Variants in COL9A2 observed in about 807,000 individuals in gnomAD.
The protein encoded by COL9A2 is collagen type IX alpha 2 chain, also known as collagen alpha-2(IX) chain.
Under a neutral mutation model 111.6 loss-of-function variants are expected in COL9A2, and 66 were observed. The ratio of observed to expected loss-of-function variants is 0.59; its 90% CI spans 0.48 to 0.73. COL9A2 has a LOEUF of 0.73. COL9A2 is among the 30% of genes least tolerant of loss of function. COL9A2 has a pLI of 0.00. For missense variants in COL9A2, 881 were observed against 954.1 expected (o/e 0.92, Z 1.01); for synonymous variants, 353 against 364.1 (o/e 0.97, Z 0.35).
intron 25 of COL9A2, 38 bp from the exon 26 acceptor site, chr1:40,304,010 C>T (rs773236264): frequency 7.0e-6 from 11 of 1,569,930 alleles, no homozygotes; most frequent in Middle Eastern, 3.3e-4. Flanking sequence ...GCGGTGGCGG[C>T]GGGGACGCAG....
rs1294512621 is a variant in COL9A2 at position 40,316,984 on chromosome 1, G to C, written c.75+139C>G. The stretch of plus-strand genomic sequence containing the variant: ...GCACCATGTATGCACCCACCGAGGG[G>C]ACCTGCCCGCGGCGCTGTCCTCAGG... On this transcript the variant is annotated intron_variant, in intron 1 of 31. Transcript: ENST00000372748. The surrounding 1 kb of genome is among the most constrained non-coding windows in gnomAD (Gnocchi z 5.5). 5 of 828,110 alleles carry C rather than the reference G, an allele frequency of 6.0e-6. No homozygotes were observed. The highest frequency in any genetic ancestry group is 5.1e-5 in the African/African-American group (3 of 59,124). The allele number at this position is 828,110 out of a possible 1,614,324, so 51.3% of individuals were successfully genotyped here.
In COL9A2 at chr1:40,307,724, G is replaced by C; in HGVS notation, c.933C>G (p.Thr311=). ...GPPGINGKDG[T]PGTPGMKGSA... ...CTACCTTCATGCCAGGCGTGCCTGG[G>C]GTCCCATCCTTGCCGTTGATGCCTG... is the stretch of plus-strand genomic sequence containing the variant. The change falls in exon 18 of 32, where the codon ACC becomes ACG. Residue 311 remains threonine, a synonymous_variant. Coordinates refer to ENST00000372748, the MANE Select transcript of COL9A2 (RefSeq NM_001852.4). This position sits in a 1 kb window ranked among gnomAD's most constrained non-coding sequence, Gnocchi z 4.8. 6.2e-7 allele frequency: 1 copy of C among 1,614,170 alleles called. No homozygotes were observed. Among genetic ancestry groups the C allele is most frequent in the Admixed American group, 1.7e-5 (1 of 60,012 alleles).
chr1:40,312,671 C>T lies in COL9A2; in HGVS notation c.303+60G>A, dbSNP rs978700539. On this transcript the variant is annotated intron_variant, in intron 5 of 31. Transcript: ENST00000372748. The surrounding 1 kb of genome is among the most constrained non-coding windows in gnomAD (Gnocchi z 6.0). ...TTCCCCGGCTCCTACTTCCTCTCTA[C>T]AGCCACTCCCAAACGCTGGCCCTAG... The T allele has an allele frequency of 1.4e-5, 22 of 1,595,444 alleles. No individual in the cohort carries two copies. Among genetic ancestry groups the T allele is most frequent in the Non-Finnish European group, 1.8e-5 (21 of 1,170,268 alleles).
rs1557793949 is a variant in COL9A2 at position 40,304,196 on chromosome 1, G to GACCCCTCTTT, written c.1288-98_1288-97insAAAGAGGGGT. Reference sequence around the variant, plus strand: ...ACACCCCTCTTTCCAACTCCGCCTCGCCGACCAGACCAGAACCCTGAGATC... The same window carrying GACCCCTCTTT: ...ACACCCCTCTTTCCAACTCCGCCTCGACCCCTCTTTCCGACCAGACCAGAACCCTGAGATC... On this transcript the variant is annotated intron_variant, in intron 24 of 31. Coordinates refer to ENST00000372748, the MANE Select transcript of COL9A2 (RefSeq NM_001852.4). The GACCCCTCTTT allele has an allele frequency of 6.3e-5, 96 of 1,514,910 alleles. No homozygotes were observed. The South Asian group carries it at 1.0e-3, about 16-fold the overall frequency. 93.8% of individuals were successfully genotyped at this position (1,514,910 alleles called of 1,614,324 possible).
rs1222263819 is a variant in COL9A2 at position 40,308,898 on chromosome 1, G to A, written c.847-653C>T. On this transcript the variant is annotated intron_variant, in intron 16 of 31. Coordinates refer to ENST00000372748, the MANE Select transcript of COL9A2 (RefSeq NM_001852.4). ...ATTGGAACCTGTGATAGGTACATGG[G>A]GATTCTTTATATCACTCTCACTGGT... 2.0e-5 allele frequency among the ~76,000 whole-genome samples: 3 copies of A among 152,164 alleles called. No homozygotes were observed. In the South Asian group the frequency reaches 6.2e-4, roughly 32 times the overall value.
At position 40,307,308 on chromosome 1, in the gene COL9A2, C is replaced by A. The variant is rs140782905; in HGVS notation, c.1008+138G>T. The A allele has an allele frequency of 3.9e-5, 32 of 822,498 alleles. No homozygotes were observed. The highest frequency in any genetic ancestry group is 5.7e-5 in the Non-Finnish European group (28 of 492,968). The allele number at this position is 822,498 out of a possible 1,614,324, so 50.9% of individuals were successfully genotyped here. ...TAGAGTAATTGTCCAAGTAATGAAG[C>A]CTTCGCCAGGCCAGGGGCCACAGAG... On this transcript the variant is annotated intron_variant, in intron 19 of 31. Coordinates refer to ENST00000372748, the MANE Select transcript of COL9A2 (RefSeq NM_001852.4). The surrounding 1 kb of genome is among the most constrained non-coding windows in gnomAD (Gnocchi z 4.8).
intron 20 of COL9A2, 86 bp downstream of exon 20, chr1:40,306,057 G>C: frequency 6.6e-7 from 1 of 1,513,916 alleles, no homozygotes; most frequent in Non-Finnish European, 9.2e-7. Flanking sequence ...CTGAGCCTCT[G>C]AGACTTGGCT....
At position 40,315,576 on chromosome 1, in the gene COL9A2, G is replaced by A. The variant is rs1644206044; in HGVS notation, c.150+14C>T. 6.4e-7 allele frequency: 1 copy of A among 1,551,494 alleles called. No individual in the cohort carries two copies. On this transcript the variant is annotated intron_variant, in intron 2 of 31. Coordinates refer to ENST00000372748, the MANE Select transcript of COL9A2 (RefSeq NM_001852.4). Reference sequence around the variant, plus strand: ...CCGCCTCCCTCCCGCCCTGGTCTCAGGTTAGAGACTTACGTCGATGCCGTC... The same window carrying A: ...CCGCCTCCCTCCCGCCCTGGTCTCAAGTTAGAGACTTACGTCGATGCCGTC...
chr1:40,309,804 A>G, intron 16 of COL9A2, 134 bp downstream of exon 16: 1 of 858,038 alleles, frequency 1.2e-6, no homozygotes, highest in Non-Finnish European at 2.0e-6. Flanking sequence ...CACACACTAC[A>G]CACTCACACA....
At chr1:40,313,450 T>C (rs1019277762) in intron 4 of COL9A2, among the ~76,000 whole-genome samples, 1 of 152,212 alleles carries the variant, frequency 6.6e-6, no homozygotes, top group African/African-American at 2.4e-5. Flanking sequence ...ATTACAGGCA[T>C]AAGCCACCAC....
chr1:40,302,042 A>G lies in COL9A2; in HGVS notation c.1793-153T>C, dbSNP rs534134155. Among the ~76,000 whole-genome samples, 5 of 152,374 alleles carry G rather than the reference A, an allele frequency of 3.3e-5. No homozygotes were observed. The East Asian group carries it at 9.6e-4, about 29-fold the overall frequency. On this transcript the variant is annotated intron_variant, in intron 30 of 31. Transcript: ENST00000372748. This position sits in a 1 kb window ranked among gnomAD's most constrained non-coding sequence, Gnocchi z 4.5. Reference sequence around the variant, plus strand: ...TGGTCACGCAGGGCTTGTTAAATAAAGGAAGGTGCAGACAAAGGATGGAAG... The same window carrying G: ...TGGTCACGCAGGGCTTGTTAAATAAGGGAAGGTGCAGACAAAGGATGGAAG...
chr1:40,307,624 A>T lies in COL9A2; in HGVS notation c.954+79T>A. ...GAAAGGGCATGTCCATGACCTGAGGACCCCAGGCTCTTGGTGTCTAGAATC... is the reference window on the plus strand; with the variant it reads ...GAAAGGGCATGTCCATGACCTGAGGTCCCCAGGCTCTTGGTGTCTAGAATC... On this transcript the variant is annotated intron_variant, in intron 18 of 31. Coordinates refer to ENST00000372748, the MANE Select transcript of COL9A2 (RefSeq NM_001852.4). This position sits in a 1 kb window ranked among gnomAD's most constrained non-coding sequence, Gnocchi z 4.8. The T allele has an allele frequency of 6.3e-7, 1 of 1,590,016 alleles. No homozygotes were observed. The highest frequency in any genetic ancestry group is 8.6e-7 in the Non-Finnish European group (1 of 1,161,830).
Position 40,310,236 on chromosome 1 carries a change from C to G in COL9A2, c.738+28G>C, listed in dbSNP as rs373866444. 381 of 1,614,130 alleles carry G rather than the reference C, an allele frequency of 2.4e-4. 1 individual carries two copies. The African/African-American group carries it at 4.2e-3, about 18-fold the overall frequency. ...GGCCAGAAGGCAGCTCCTGGAAGCT[C>G]TTGTAGAACACCCCAAGATTCACTT... On this transcript the variant is annotated intron_variant, in intron 14 of 31. Coordinates refer to ENST00000372748, the MANE Select transcript of COL9A2 (RefSeq NM_001852.4). This position sits in a 1 kb window ranked among gnomAD's most constrained non-coding sequence, Gnocchi z 4.9.
chr1:40,301,947 T>A, intron 30 of COL9A2, 58 bp from the exon 31 acceptor site: 1 of 1,518,420 alleles, frequency 6.6e-7, no homozygotes, highest in South Asian at 1.2e-5. Context: ...TTTCCTCTAT[T>A]TTTTGCTATG....
In COL9A2 at chr1:40,312,320, C is replaced by T; in HGVS notation, c.363+136G>A. On this transcript the variant is annotated intron_variant, in intron 7 of 31. Coordinates refer to ENST00000372748, the MANE Select transcript of COL9A2 (RefSeq NM_001852.4). The surrounding 1 kb of genome is among the most constrained non-coding windows in gnomAD (Gnocchi z 6.0). ...CCCAGAGTGGGCTGGCCCTGGGTCT[C>T]TGGCAGGTCCACTTATTCCTGACAC... The T allele has an allele frequency of 7.7e-7, 1 of 1,305,154 alleles. No individual in the cohort carries two copies. The highest frequency in any genetic ancestry group is 1.1e-6 in the Non-Finnish European group (1 of 924,172). The allele number at this position is 1,305,154 out of a possible 1,614,324, so 80.8% of individuals were successfully genotyped here.
chr1:40,312,504 G>C lies in COL9A2; in HGVS notation c.340-25C>G, dbSNP rs1445442154. On this transcript the variant is annotated intron_variant, in intron 6 of 31. Transcript: ENST00000372748. This position sits in a 1 kb window ranked among gnomAD's most constrained non-coding sequence, Gnocchi z 6.0. The stretch of plus-strand genomic sequence containing the variant: ...CCTGGAACAGAAAGAAAGAAAATTG[G>C]CTTCATGGCTCCCTCTGCAGGTCCC... 3 of 1,613,890 alleles carry C rather than the reference G, an allele frequency of 1.9e-6. No individual in the cohort carries two copies. In the Admixed American group the frequency reaches 5.0e-5, roughly 27 times the overall value.
At position 40,312,613 on chromosome 1, in the gene COL9A2, C is replaced by A. The variant is rs766769682; in HGVS notation, c.304-4G>T. 2 of 1,613,988 alleles carry A rather than the reference C, an allele frequency of 1.2e-6. No individual in the cohort carries two copies. The highest frequency in any genetic ancestry group is 1.1e-5 in the South Asian group (1 of 91,042). ...GACCAGGAAGCCCGGGCTGGCCCTG[C>A]AGAAGCAACGAGAAAGGCTCAGAGG... On this transcript the variant is annotated splice_region_variant and splice_polypyrimidine_tract_variant and intron_variant, in intron 5 of 31. Coordinates refer to ENST00000372748, the MANE Select transcript of COL9A2 (RefSeq NM_001852.4). The surrounding 1 kb of genome is among the most constrained non-coding windows in gnomAD (Gnocchi z 6.0).
chr1:40,312,017 T>C lies in COL9A2; in HGVS notation c.417+42A>G, dbSNP rs142122774. 109 of 1,577,374 alleles carry C rather than the reference T, an allele frequency of 6.9e-5. No homozygotes were observed. The highest frequency in any genetic ancestry group is 1.2e-4 in the African/African-American group (9 of 74,540). On this transcript the variant is annotated intron_variant, in intron 8 of 31. Coordinates refer to ENST00000372748, the MANE Select transcript of COL9A2 (RefSeq NM_001852.4). The surrounding 1 kb of genome is among the most constrained non-coding windows in gnomAD (Gnocchi z 6.0). ...ACCACCCAGCTTGCCAGCTTGGAGA[T>C]AGAAGGCAGGAGGCAGTGAACAGAG... is the stretch of plus-strand genomic sequence containing the variant.
In COL9A2 at chr1:40,303,474, C is replaced by T; in HGVS notation, c.1548+56G>A. On this transcript the variant is annotated intron_variant, in intron 28 of 31. Coordinates refer to ENST00000372748, the MANE Select transcript of COL9A2 (RefSeq NM_001852.4). This position sits in a 1 kb window ranked among gnomAD's most constrained non-coding sequence, Gnocchi z 4.6. Reference sequence around the variant, plus strand: ...TCCCTAGCCTTTGGCGGGTAAGCCGCACCCCAGAACAGATCTACCTAGAAG... The same window carrying T: ...TCCCTAGCCTTTGGCGGGTAAGCCGTACCCCAGAACAGATCTACCTAGAAG... The T allele has an allele frequency of 1.4e-5, 22 of 1,607,528 alleles. No individual in the cohort carries two copies. The highest frequency in any genetic ancestry group is 1.9e-5 in the Non-Finnish European group (22 of 1,176,874).
Sources: allele counts gnomAD v4.1 joint callset (sites outside exome capture counted in the v4.1 genomes callset), GRCh38; gene constraint gnomAD v4.1.1; non-coding constraint Gnocchi (gnomAD v3.1); transcripts MANE v1.5; gene names NCBI Gene and HGNC (gene_info 2026-07-23, HGNC 2026-07-21).